Variants in PIP4K2A observed in about 807,000 individuals in gnomAD.
The protein encoded by PIP4K2A is phosphatidylinositol-5-phosphate 4-kinase type 2 alpha.
PIP4K2A carries 14 observed loss-of-function variants against 42.9 expected under a neutral mutation model. That is an observed-to-expected ratio of 0.33 (90% confidence interval 0.22 to 0.51). PIP4K2A has a LOEUF of 0.51. Ranked by LOEUF, PIP4K2A falls within the 20% of genes least tolerant of loss-of-function variation. The probability of loss-of-function intolerance (pLI) is 0.97; values close to 1 mark genes in which losing one functional copy is unlikely to be tolerated. For synonymous variants in PIP4K2A, 192 were observed against 192.2 expected (o/e 1.00, Z 0.01); for missense variants, 434 against 519.8 (o/e 0.83, Z 1.61).
At chr10:22,707,678 C>T (rs752391944) in intron 1 of PIP4K2A, among the ~76,000 whole-genome samples, 8 of 152,194 alleles carry the variant, frequency 5.3e-5, no homozygotes, top group Admixed American at 1.3e-4. Flanking sequence ...ATCCCAAGTA[C>T]TAGGCACTGT....
chr10:22,643,659 C>T (rs933033698), intron 1 of PIP4K2A, among the ~76,000 whole-genome samples: 7 of 152,140 alleles, frequency 4.6e-5, no homozygotes, highest in Admixed American at 4.6e-4. Context: ...TAACGCTGAA[C>T]CTTTATCTTT....
chr10:22,643,796 G>A lies in PIP4K2A; in HGVS notation c.145-34079C>T, dbSNP rs181874883. 4.6e-5 allele frequency among the ~76,000 whole-genome samples: 7 copies of A among 152,076 alleles called. No homozygotes were observed. In the East Asian group the frequency reaches 1.2e-3, roughly 25 times the overall value. ...GGGGTAGGTGCCTTGTGCTCCTCCTGACCAATCCCACACCCCCATTCCCTC... is the reference window on the plus strand; with the variant it reads ...GGGGTAGGTGCCTTGTGCTCCTCCTAACCAATCCCACACCCCCATTCCCTC... On this transcript the variant is annotated intron_variant, in intron 1 of 9. Transcript: ENST00000376573.
intron 1 of PIP4K2A, among the ~76,000 whole-genome samples, chr10:22,631,438 A>T (rs1239923578): frequency 6.6e-6 from 1 of 152,124 alleles, no homozygotes; most frequent in Non-Finnish European, 1.5e-5. Context: ...ACAGGGGCAG[A>T]AGGTGGTCAT....
chr10:22,653,094 G>A (rs1229929700), intron 1 of PIP4K2A, among the ~76,000 whole-genome samples: 1 of 152,014 alleles, frequency 6.6e-6, no homozygotes, highest in Admixed American at 6.6e-5. Flanking sequence ...TCAAAAAAAA[G>A]AAAGAAGGGT....
intron 3 of PIP4K2A, among the ~76,000 whole-genome samples, chr10:22,603,526 A>C (rs1313853181): frequency 1.3e-5 from 2 of 152,202 alleles, no homozygotes; most frequent in Non-Finnish European, 2.9e-5. Flanking sequence ...CATGAAGAAC[A>C]TTACAAATCA....
At chr10:22,601,160 AAAAC>A (rs200872907) in intron 3 of PIP4K2A, among the ~76,000 whole-genome samples, 5,796 of 105,716 alleles carry the variant, frequency 0.055, 685 homozygotes, top group East Asian at 0.25. Flanking sequence ...AAAAAAAAAA[AAAAC>A]AAACCAGGAA....
intron 1 of PIP4K2A, among the ~76,000 whole-genome samples, chr10:22,623,926 T>G (rs185644392): frequency 1.3e-5 from 2 of 152,162 alleles, no homozygotes; most frequent in South Asian, 4.1e-4. Context: ...ATGAAAAGAA[T>G]AGTTCACAAC....
intron 4 of PIP4K2A, among the ~76,000 whole-genome samples, chr10:22,581,731 AT>A (rs1176846446): frequency 6.6e-6 from 1 of 152,004 alleles, no homozygotes; most frequent in Non-Finnish European, 1.5e-5. Context: ...AAACTTTCCT[AT>A]TTTTGCTGGC....
chr10:22,613,848 G>A (rs1838110007), intron 1 of PIP4K2A, among the ~76,000 whole-genome samples: 1 of 152,160 alleles, frequency 6.6e-6, no homozygotes, highest in Non-Finnish European at 1.5e-5. Context: ...TGCTGGCTGA[G>A]TGTGACATAA....
At chr10:22,678,447 TCTG>T (rs1839601887) in intron 1 of PIP4K2A, among the ~76,000 whole-genome samples, 1 of 152,152 alleles carries the variant, frequency 6.6e-6, no homozygotes, top group Admixed American at 6.6e-5. Context: ...CCCAAACCTT[TCTG>T]CATTTCTTTC....
chr10:22,550,628 T>C (rs761027794), intron 7 of PIP4K2A, 31 bp downstream of exon 7: 7 of 1,113,324 alleles, frequency 6.3e-6, no homozygotes, highest in South Asian at 1.2e-5. Context: ...ATTTATACAA[T>C]GAGTCTGGCC....
intron 1 of PIP4K2A, among the ~76,000 whole-genome samples, chr10:22,708,064 G>T (rs77758375): frequency 6.6e-6 from 1 of 152,150 alleles, no homozygotes; most frequent in African/African-American, 2.4e-5. Context: ...ATCTGGTTAG[G>T]AGTGACAGAA....
intron 1 of PIP4K2A, among the ~76,000 whole-genome samples, chr10:22,664,078 T>TATATATATATACGTATATATATATAC (rs1839269973): frequency 1.5e-5 from 1 of 66,376 alleles, no homozygotes; most frequent in East Asian, 3.2e-4. Context: ...TATATATACG[T>TATATATATATACGTATATATATATAC]ATATATATAT....
chr10:22,611,412 C>T, intron 1 of PIP4K2A, among the ~76,000 whole-genome samples: 1 of 68,072 alleles, frequency 1.5e-5, no homozygotes, highest in Admixed American at 1.8e-4. Flanking sequence ...CAAACAACAA[C>T]AACAAAAAAA....
chr10:22,678,508 TA>T (rs1263547767), intron 1 of PIP4K2A, among the ~76,000 whole-genome samples: 3 of 151,700 alleles, frequency 2.0e-5, no homozygotes, highest in African/African-American at 4.9e-5. Context: ...TTGAAGACAG[TA>T]AAAAATAAAT....
intron 1 of PIP4K2A, among the ~76,000 whole-genome samples, chr10:22,649,874 TTCC>T (rs1005799244): frequency 1.3e-5 from 2 of 152,336 alleles, no homozygotes; most frequent in African/African-American, 4.8e-5. Context: ...CCCTACTTTT[TTCC>T]TCTATTTCCT....
chr10:22,700,877 AC>A (rs1833701106), intron 1 of PIP4K2A, among the ~76,000 whole-genome samples: 1 of 152,272 alleles, frequency 6.6e-6, no homozygotes, highest in South Asian at 2.1e-4. Flanking sequence ...CTACAGAAAC[AC>A]AAACAAAAGT....
intron 1 of PIP4K2A, among the ~76,000 whole-genome samples, chr10:22,662,237 C>T (rs1839216694): frequency 6.6e-6 from 1 of 152,204 alleles, no homozygotes; most frequent in South Asian, 2.1e-4. Flanking sequence ...ATCTAGGCAT[C>T]CCCATTCTTC....
At chr10:22,587,916 C>A (rs946542197) in intron 4 of PIP4K2A, among the ~76,000 whole-genome samples, 17 of 152,248 alleles carry the variant, frequency 1.1e-4, no homozygotes, top group African/African-American at 4.1e-4. Flanking sequence ...CCAACCTGAG[C>A]AGGGTCCCAG....
Sources: allele counts gnomAD v4.1 joint callset (sites outside exome capture counted in the v4.1 genomes callset), GRCh38; gene constraint gnomAD v4.1.1; transcripts MANE v1.5; gene names NCBI Gene and HGNC (gene_info 2026-07-23, HGNC 2026-07-21).